RFPL4AL1: variants seen among roughly 807,000 people sequenced by gnomAD.
RFPL4AL1 encodes ret finger protein like 4A like 1.
A neutral mutation model predicts 8.2 loss-of-function variants in RFPL4AL1; 2 were observed. The ratio of observed to expected loss-of-function variants is 0.24; its 90% CI spans 0.10 to 0.77. RFPL4AL1 has a LOEUF of 0.77. RFPL4AL1 is among the 30% of genes least tolerant of loss of function. The pLI is 0.72. For missense variants in RFPL4AL1, 57 were observed against 350.3 expected (o/e 0.16, Z 6.68); for synonymous variants, 25 against 131.8 (o/e 0.19, Z 5.55).
intron 1 of RFPL4AL1, among the ~76,000 whole-genome samples, chr19:55,771,498 C>T (rs1185053164): frequency 5.9e-5 from 9 of 151,902 alleles, no homozygotes; most frequent in African/African-American, 9.7e-5. Flanking sequence ...TCTCAATAGC[C>T]ATTTGTCACT....
At chr19:55,771,435 A>C (rs540122452) in intron 1 of RFPL4AL1, among the ~76,000 whole-genome samples, 152 of 152,194 alleles carry the variant, frequency 1.0e-3, no homozygotes, top group African/African-American at 3.7e-3. Context: ...CTTCACAAAG[A>C]GGAGTGTATT....
chr19:55,771,079 GTTTTTT>G (rs1989484563), intron 1 of RFPL4AL1, among the ~76,000 whole-genome samples: 1 of 89,530 alleles, frequency 1.1e-5, no homozygotes, highest in Non-Finnish European at 2.5e-5. Context: ...TTTTAGTTCT[GTTTTTT>G]GTTTTTTTTT....
intron 1 of RFPL4AL1, among the ~76,000 whole-genome samples, chr19:55,771,079 G>GGTTT (rs1555799515): frequency 1.1e-5 from 1 of 89,530 alleles, no homozygotes; most frequent in Non-Finnish European, 2.5e-5. Context: ...TTTTAGTTCT[G>GGTTT]TTTTTTGTTT....
In RFPL4AL1 at chr19:55,772,665, G is replaced by A. The variant is rs1312105060; in HGVS notation, c.350G>A (p.Ser117Asn). The change falls in exon 3 of 3, where the codon AGT becomes AAT. Residue 117 changes from serine (S) to asparagine (N), a missense_variant. Physicochemically the swap from Ser to Asn is conservative, Grantham distance 46. Transcript: ENST00000341750. ...CTCATCATTTCTGAAGACCTGAGGA[G>A]TTTCCGAAGTGGGGATTTGAGCCAG... ...NYLIISEDLR[S>N]FRSGDLSQNR... The A allele has an allele frequency of 6.8e-7, 1 of 1,478,712 alleles. No homozygotes were observed. Among genetic ancestry groups the A allele is most frequent in the African/African-American group, 1.6e-5 (1 of 62,698 alleles). The allele number at this position is 1,478,712 out of a possible 1,614,324, so 91.6% of individuals were successfully genotyped here.
At position 55,773,211 on chromosome 19, in the gene RFPL4AL1, G is replaced by A; in HGVS notation, c.*32G>A. On this transcript the variant is annotated 3_prime_UTR_variant, in exon 3 of 3. Coordinates refer to ENST00000341750, the MANE Select transcript of RFPL4AL1 (RefSeq NM_001277397.2). ...ATTTGAACATAATCATCTTTAGGAA[G>A]TTTCAGTGCCCCCATAGCCATAGCT... 2 of 1,314,194 alleles carry A rather than the reference G, an allele frequency of 1.5e-6. No homozygotes were observed. Among genetic ancestry groups the A allele is most frequent in the Non-Finnish European group, 2.1e-6 (2 of 944,050 alleles). The allele number at this position is 1,314,194 out of a possible 1,614,324, so 81.4% of individuals were successfully genotyped here.
At chr19:55,770,072 G>A (rs1479656933) in intron 1 of RFPL4AL1, among the ~76,000 whole-genome samples, 1 of 151,932 alleles carries the variant, frequency 6.6e-6, no homozygotes, top group African/African-American at 2.4e-5. Flanking sequence ...AAGTAGGGTT[G>A]CTGGAACACA....
chr19:55,771,784 T>A lies in RFPL4AL1; in HGVS notation c.-9-12T>A. ...GGAAATTCTAATTCCGTGTTCATTT[T>A]TTTTTCTACAGACATTTGCCATGGC... On this transcript the variant is annotated splice_polypyrimidine_tract_variant and intron_variant, in intron 1 of 2. Transcript: ENST00000341750. 6.4e-7 allele frequency: 1 copy of A among 1,551,410 alleles called. No individual in the cohort carries two copies. The highest frequency in any genetic ancestry group is 1.4e-5 in the African/African-American group (1 of 73,020).
At position 55,772,899 on chromosome 19, in the gene RFPL4AL1, A is replaced by C; in HGVS notation, c.584A>C (p.Lys195Thr). The change falls in exon 3 of 3, where the codon AAG becomes ACG. Residue 195 changes from lysine (K) to threonine (T), a missense_variant. Coordinates refer to ENST00000341750, the MANE Select transcript of RFPL4AL1 (RefSeq NM_001277397.2). ...GFLTVGCREG[K>T]VFAASTVPMT... ...TTGACTGTGGGTTGCAGAGAAGGAA[A>C]GGTCTTTGCTGCCAGCACTGTGCCT... 6.5e-7 allele frequency: 1 copy of C among 1,549,534 alleles called. No homozygotes were observed. Among genetic ancestry groups the C allele is most frequent in the Non-Finnish European group, 8.7e-7 (1 of 1,146,340 alleles).
chr19:55,771,106 C>G (rs1432302875), intron 1 of RFPL4AL1, among the ~76,000 whole-genome samples: 3 of 29,364 alleles, frequency 1.0e-4, no homozygotes, highest in African/African-American at 2.8e-4. Flanking sequence ...TTTTTTTTTT[C>G]CGCTATGCAG....
intron 1 of RFPL4AL1, among the ~76,000 whole-genome samples, chr19:55,771,026 G>C (rs542211283): frequency 3.0e-4 from 45 of 151,328 alleles, no homozygotes; most frequent in Admixed American, 7.2e-4. Flanking sequence ...ATATATTTTG[G>C]ATATTAATCC....
At chr19:55,770,775 G>C (rs1395105250) in intron 1 of RFPL4AL1, among the ~76,000 whole-genome samples, 1 of 151,920 alleles carries the variant, frequency 6.6e-6, no homozygotes, top group African/African-American at 2.4e-5. Context: ...AAAAGCCACT[G>C]TTTTGGTCTC....
At chr19:55,770,957 T>C (rs1375282540) in intron 1 of RFPL4AL1, among the ~76,000 whole-genome samples, 2 of 151,828 alleles carry the variant, frequency 1.3e-5, no homozygotes, top group African/African-American at 2.4e-5. Flanking sequence ...TTCTGCCCAT[T>C]GGAATTTGGA....
At position 55,773,169 on chromosome 19, in the gene RFPL4AL1, A is replaced by G. The variant is rs144990325; in HGVS notation, c.854A>G (p.Glu285Gly). 0.35 allele frequency: 484,573 copies of G among 1,392,996 alleles called. 66,194 individuals are homozygous for G. The highest frequency in any genetic ancestry group is 0.58 in the African/African-American group (38,112 of 66,248). 86.3% of individuals were successfully genotyped at this position (1,392,996 alleles called of 1,614,324 possible). A position where few individuals can be genotyped will look rare whatever the true frequency, so the allele number is the denominator to read the frequency against. The change falls in exon 3 of 3, where the codon GAG (glutamate) becomes GGG (glycine). Residue 285 changes from glutamate to glycine, a missense_variant. Physicochemically the swap from Glu to Gly is moderately conservative, Grantham distance 98 (BLOSUM62 -2). Transcript: ENST00000341750. ...PSTASAPVSS[E>G]GK ...ACTGCCAGTGCCCCAGTTTCTTCTG[A>G]GGGAAAGTAAATAAACATTTGAACA...
intron 1 of RFPL4AL1, among the ~76,000 whole-genome samples, chr19:55,770,262 G>A (rs536131983): frequency 2.4e-4 from 37 of 152,014 alleles, no homozygotes; most frequent in African/African-American, 8.2e-4. Context: ...ATCTCATCGC[G>A]GTTTTATTGC....
chr19:55,771,050 T>C (rs139324020), intron 1 of RFPL4AL1, among the ~76,000 whole-genome samples: 1,634 of 151,078 alleles, frequency 0.011, 5 homozygotes, highest in African/African-American at 0.038. Context: ...GTCATATATA[T>C]GGCTGCTTGT....
At chr19:55,770,015 G>T (rs192411744) in intron 1 of RFPL4AL1, among the ~76,000 whole-genome samples, 4 of 152,090 alleles carry the variant, frequency 2.6e-5, no homozygotes, top group Non-Finnish European at 1.5e-5. Flanking sequence ...TAAGAGTGCA[G>T]ATATCTCTTT....
intron 1 of RFPL4AL1, 36 bp from the exon 2 acceptor site, chr19:55,771,760 G>A: frequency 6.4e-7 from 1 of 1,550,712 alleles, no homozygotes; most frequent in Non-Finnish European, 8.7e-7. Context: ...TCAGCTCGTG[G>A]AAATTCTAAT....
Position 55,773,213 on chromosome 19 carries a change from T to C in RFPL4AL1, c.*34T>C. On this transcript the variant is annotated 3_prime_UTR_variant, in exon 3 of 3. Transcript: ENST00000341750. ...TTGAACATAATCATCTTTAGGAAGTTTCAGTGCCCCCATAGCCATAGCTAA... is the reference window on the plus strand; with the variant it reads ...TTGAACATAATCATCTTTAGGAAGTCTCAGTGCCCCCATAGCCATAGCTAA... 1 of 1,312,842 alleles carries C rather than the reference T, an allele frequency of 7.6e-7. No individual in the cohort carries two copies. Among genetic ancestry groups the C allele is most frequent in the Non-Finnish European group, 1.1e-6 (1 of 943,024 alleles). The allele number at this position is 1,312,842 out of a possible 1,614,324, so 81.3% of individuals were successfully genotyped here.
Position 55,770,261 on chromosome 19 carries a change from C to T in RFPL4AL1, c.-10+1086C>T, listed in dbSNP as rs567384694. ...GCAGAGAGGGGGTAATATCTCATCG[C>T]GGTTTTATTGCTGGAGGGCTCAGGA... On this transcript the variant is annotated intron_variant, in intron 1 of 2. Coordinates refer to ENST00000341750, the MANE Select transcript of RFPL4AL1 (RefSeq NM_001277397.2). Among the ~76,000 whole-genome samples, 70 of 151,976 alleles carry T rather than the reference C, an allele frequency of 4.6e-4. 3 individuals carry two copies. In the South Asian group the frequency reaches 0.013, roughly 28 times the overall value.
Sources: gnomAD v4.1 joint callset for allele counts (sites outside exome capture counted in the v4.1 genomes callset) on GRCh38, gnomAD v4.1.1 for gene constraint, MANE v1.5 for transcripts, NCBI Gene and HGNC (gene_info 2026-07-23, HGNC 2026-07-21) for gene names.